PRR16: variants seen among roughly 807,000 people sequenced by gnomAD.
The protein encoded by PRR16 is proline rich 16.
A neutral mutation model predicts 18.2 loss-of-function variants in PRR16; 6 were observed. The observed-to-expected ratio is 0.33, with a 90% confidence interval of 0.18 to 0.65. The LOEUF is 0.65. Among genes scored for constraint, PRR16 ranks in the 30% least tolerant of loss-of-function variants. PRR16 has a pLI of 0.74. For synonymous variants in PRR16, 151 were observed against 147.8 expected, an observed-to-expected ratio of 1.02 and a Z score of -0.16; for missense variants, 412 against 376.6, an observed-to-expected ratio of 1.09 and a Z score of -0.78.
At chr5:120,753,384 C>A in the PRR16 span, among the ~76,000 whole-genome samples, 2 of 151,880 alleles carry the variant, frequency 1.3e-5, no homozygotes, top group South Asian at 2.1e-4. Flanking sequence ...AGAGGAAGAA[C>A]AGGTACGTAA....
intron 1 of PRR16, among the ~76,000 whole-genome samples, chr5:120,665,546 G>A (rs905531137): frequency 3.3e-5 from 5 of 152,138 alleles, no homozygotes; most frequent in African/African-American, 1.2e-4. Flanking sequence ...TCTATGTCCT[G>A]AATGGTATTG....
chr5:120,773,655 G>T, the PRR16 span, among the ~76,000 whole-genome samples: 1 of 151,886 alleles, frequency 6.6e-6, no homozygotes, highest in Non-Finnish European at 1.5e-5. Context: ...TTGAAGGAAA[G>T]ATGGCTATCT....
intron 1 of PRR16, among the ~76,000 whole-genome samples, chr5:120,644,228 TA>T (rs2150126957): frequency 6.6e-6 from 1 of 152,212 alleles, no homozygotes; most frequent in South Asian, 2.1e-4. Context: ...GTTTTCAGCT[TA>T]ACTCTAGGCA....
intron 1 of PRR16, among the ~76,000 whole-genome samples, chr5:120,533,734 A>G (rs1561534568): frequency 1.3e-5 from 2 of 152,198 alleles, no homozygotes; most frequent in Non-Finnish European, 2.9e-5. Flanking sequence ...AAAGGCAGAA[A>G]GAGTCTGTCC....
intron 1 of PRR16, among the ~76,000 whole-genome samples, chr5:120,466,725 T>C (rs1749118110): frequency 6.6e-6 from 1 of 152,106 alleles, no homozygotes; most frequent in Non-Finnish European, 1.5e-5. Context: ...ATAAGAGGAA[T>C]AAAAAGCAGA....
chr5:120,727,511 C>T, the PRR16 span, among the ~76,000 whole-genome samples: 8 of 152,120 alleles, frequency 5.3e-5, no homozygotes, highest in Non-Finnish European at 1.0e-4. Context: ...CAACCTTTCA[C>T]CGACATCACC....
chr5:120,532,238 A>G (rs1751575194), intron 1 of PRR16, among the ~76,000 whole-genome samples: 1 of 152,190 alleles, frequency 6.6e-6, no homozygotes, highest in African/African-American at 2.4e-5. Context: ...TAAAGATATT[A>G]TACAAGTGTT....
the PRR16 span, among the ~76,000 whole-genome samples, chr5:120,755,629 C>T: frequency 1.3e-5 from 2 of 152,084 alleles, no homozygotes; most frequent in Non-Finnish European, 2.9e-5. Context: ...ATCCAGTCCA[C>T]TGTCGAGGAC....
At chr5:120,681,912 T>C (rs1425325222) in intron 1 of PRR16, among the ~76,000 whole-genome samples, 1 of 152,212 alleles carries the variant, frequency 6.6e-6, no homozygotes, top group Non-Finnish European at 1.5e-5. Context: ...CACTATGGTA[T>C]GTCTGAGTGA....
At chr5:120,705,169 A>G in the PRR16 span, among the ~76,000 whole-genome samples, 1 of 152,118 alleles carries the variant, frequency 6.6e-6, no homozygotes, top group Non-Finnish European at 1.5e-5. Context: ...CTTAGGTATC[A>G]GTAATATGCT....
chr5:120,745,562 C>CA, the PRR16 span, among the ~76,000 whole-genome samples: 2 of 148,944 alleles, frequency 1.3e-5, no homozygotes, highest in Admixed American at 6.7e-5. Context: ...AAAACAACAA[C>CA]AACAACAAAT....
At chr5:120,618,810 A>G (rs1754595821) in intron 1 of PRR16, among the ~76,000 whole-genome samples, 2 of 151,880 alleles carry the variant, frequency 1.3e-5, no homozygotes, top group Admixed American at 1.3e-4. Context: ...CTCTGATATT[A>G]ACTTCCCAAT....
rs142586951 is a variant in PRR16 at position 120,686,529 on chromosome 5, T to C, written c.735T>C (p.Pro245=). 3.1e-6 allele frequency: 5 copies of C among 1,613,666 alleles called. No individual in the cohort carries two copies. Among genetic ancestry groups the C allele is most frequent in the Non-Finnish European group, 4.2e-6 (5 of 1,179,852 alleles). The change falls in exon 2 of 2, where the codon CCT becomes CCC. Residue 245 remains proline (P), a synonymous_variant. Transcript: ENST00000407149. ...CTGTCCACCCACCGGGAAAGATTCC[T>C]CACCAAGGCCCTCCCCTCCCTCCTA... The part of the protein sequence containing the change: ...SEPVHPPGKI[P]HQGPPLPPTP...
intron 1 of PRR16, among the ~76,000 whole-genome samples, chr5:120,488,282 C>G (rs866913154): frequency 6.6e-6 from 1 of 152,004 alleles, no homozygotes; most frequent in South Asian, 2.1e-4. Context: ...TGGTCTTAGA[C>G]TTTTTTTGGT....
chr5:120,499,179 G>A (rs1238044474), intron 1 of PRR16, among the ~76,000 whole-genome samples: 3 of 150,820 alleles, frequency 2.0e-5, no homozygotes, highest in Non-Finnish European at 4.4e-5. Flanking sequence ...GCGTGATCTC[G>A]GCTCACCACA....
At chr5:120,490,058 G>A (rs1372693715) in intron 1 of PRR16, among the ~76,000 whole-genome samples, 6 of 152,106 alleles carry the variant, frequency 3.9e-5, no homozygotes, top group African/African-American at 1.4e-4. Context: ...TGGGTAACCC[G>A]ACCTTTCTCT....
intron 1 of PRR16, among the ~76,000 whole-genome samples, chr5:120,659,032 A>G (rs529558743): frequency 7.3e-4 from 111 of 151,826 alleles, no homozygotes; most frequent in African/African-American, 2.5e-3. Context: ...ACCCCCCATC[A>G]TAGTTCTTTT....
chr5:120,793,079 GAGA>G, the PRR16 span, among the ~76,000 whole-genome samples: 2 of 152,178 alleles, frequency 1.3e-5, no homozygotes, highest in Non-Finnish European at 2.9e-5. Flanking sequence ...TTGAGCCCAG[GAGA>G]AGGAGTTTGC....
chr5:120,643,668 A>G (rs919713743), intron 1 of PRR16, among the ~76,000 whole-genome samples: 6 of 152,108 alleles, frequency 3.9e-5, no homozygotes, highest in African/African-American at 1.2e-4. Context: ...ATAGGACCTC[A>G]GTAAACCTGG....
Sources: gnomAD v4.1 joint callset for allele counts (sites outside exome capture counted in the v4.1 genomes callset) on GRCh38, gnomAD v4.1.1 for gene constraint, MANE v1.5 for transcripts, NCBI Gene and HGNC (gene_info 2026-07-23, HGNC 2026-07-21) for gene names.